CDH23: variants seen among roughly 807,000 people sequenced by gnomAD.
CDH23 encodes cadherin-23.
A neutral mutation model predicts 317.1 loss-of-function variants in CDH23; 189 were observed. The ratio of observed to expected loss-of-function variants is 0.60; its 90% CI spans 0.53 to 0.67. CDH23 has a LOEUF of 0.67. Ranked by LOEUF, CDH23 falls within the 30% of genes least tolerant of loss-of-function variation. The probability of loss-of-function intolerance (pLI) is 0.00; values close to 1 mark genes in which losing one functional copy is unlikely to be tolerated. For missense variants in CDH23, 4,401 were observed against 4,592.4 expected, an observed-to-expected ratio of 0.96 and a Z score of 1.20; for synonymous variants, 1,839 against 1,876.8, an observed-to-expected ratio of 0.98 and a Z score of 0.52.
chr10:71,611,313 G>A (rs1860877369), intron 9 of CDH23, among the ~76,000 whole-genome samples: 1 of 152,140 alleles, frequency 6.6e-6, no homozygotes, highest in Non-Finnish European at 1.5e-5. Context: ...TGGGTTCAGG[G>A]CCCTGTGTGT....
chr10:71,791,395 A>G, intron 47 of CDH23, 60 bp downstream of exon 47: 1 of 1,461,196 alleles, frequency 6.8e-7, no homozygotes, highest in Non-Finnish European at 9.4e-7. Flanking sequence ...GTCACAGGGG[A>G]CTGGAGCCTC....
intron 38 of CDH23, among the ~76,000 whole-genome samples, chr10:71,756,585 G>T (rs556522814): frequency 3.3e-4 from 50 of 152,314 alleles, no homozygotes; most frequent in African/African-American, 1.0e-3. Context: ...CCTCCAAAAA[G>T]GTGTACACGA....
intron 14 of CDH23, among the ~76,000 whole-genome samples, chr10:71,669,041 G>C (rs563424672): frequency 6.6e-6 from 1 of 152,186 alleles, no homozygotes; most frequent in African/African-American, 2.4e-5. Flanking sequence ...AGCCAGTCTC[G>C]GCTGCACCCT....
chr10:71,813,441 T>C (rs1842011802), intron 69 of CDH23, 93 bp downstream of exon 69: 2 of 1,125,320 alleles, frequency 1.8e-6, no homozygotes, highest in African/African-American at 1.5e-5. Context: ...TCTATGTCTC[T>C]GGAGCTCTGC....
At chr10:71,800,555 TA>T in intron 52 of CDH23, 80 bp from the exon 53 acceptor site, 1 of 1,479,478 alleles carries the variant, frequency 6.8e-7, no homozygotes, top group Non-Finnish European at 9.2e-7. Context: ...CCAGAGCCCA[TA>T]ACAGCATCTG....
intron 42 of CDH23, among the ~76,000 whole-genome samples, chr10:71,784,662 C>A (rs1382532341): frequency 6.6e-6 from 1 of 152,208 alleles, no homozygotes; most frequent in African/African-American, 2.4e-5. Context: ...TCCATCACTG[C>A]CCCTCCTCTG....
chr10:71,692,576 G>A (rs968732275), intron 20 of CDH23, among the ~76,000 whole-genome samples: 7 of 152,180 alleles, frequency 4.6e-5, no homozygotes, highest in Non-Finnish European at 7.3e-5. Flanking sequence ...AGTGTGGCTC[G>A]TTGGGCAGAC....
At chr10:71,764,395 C>G (rs1053565436) in intron 38 of CDH23, among the ~76,000 whole-genome samples, 1 of 152,092 alleles carries the variant, frequency 6.6e-6, no homozygotes, top group Non-Finnish European at 1.5e-5. Flanking sequence ...CACATAGACA[C>G]TATACTGATG....
At chr10:71,504,439 T>A (rs915414794) in intron 3 of CDH23, among the ~76,000 whole-genome samples, 1 of 152,232 alleles carries the variant, frequency 6.6e-6, no homozygotes, top group Non-Finnish European at 1.5e-5. Flanking sequence ...TCTACCACAT[T>A]TTGATTATCC....
At chr10:71,545,542 T>G (rs1564644434) in intron 6 of CDH23, among the ~76,000 whole-genome samples, 1 of 152,208 alleles carries the variant, frequency 6.6e-6, no homozygotes, top group Admixed American at 6.5e-5. Flanking sequence ...CCACATACCA[T>G]CTTCCTATTT....
chr10:71,815,329 C>A lies in CDH23; in HGVS notation c.*51C>A. The A allele has an allele frequency of 6.8e-7, 1 of 1,477,184 alleles. No homozygotes were observed. The highest frequency in any genetic ancestry group is 9.1e-7 in the Non-Finnish European group (1 of 1,103,070). 91.5% of individuals were successfully genotyped at this position (1,477,184 alleles called of 1,614,324 possible). A position where few individuals can be genotyped will look rare whatever the true frequency, so the allele number is the denominator to read the frequency against. On this transcript the variant is annotated 3_prime_UTR_variant, in exon 70 of 70. Coordinates refer to ENST00000224721, the MANE Select transcript of CDH23 (RefSeq NM_022124.6). ...GAGCAGCACCCATCCACCGTCCCCTCCCAGGGAGCAAGGGCAGGGACAGGG... is the reference window on the plus strand; with the variant it reads ...GAGCAGCACCCATCCACCGTCCCCTACCAGGGAGCAAGGGCAGGGACAGGG...
At chr10:71,507,169 G>T (rs996517977) in intron 3 of CDH23, among the ~76,000 whole-genome samples, 1 of 152,208 alleles carries the variant, frequency 6.6e-6, no homozygotes, top group East Asian at 1.9e-4. Flanking sequence ...CCAGGGGGCT[G>T]CAGGCTGCCA....
At position 71,805,291 on chromosome 10, in the gene CDH23, G is replaced by A. The variant is rs1035415923; in HGVS notation, c.7873-515G>A. On this transcript the variant is annotated intron_variant, in intron 55 of 69. Coordinates refer to ENST00000224721, the MANE Select transcript of CDH23 (RefSeq NM_022124.6). ...GTTAGTAACAGACTAGACCCTGATGGCCAACCCCTATCCTATCCACCATGT... is the reference window on the plus strand; with the variant it reads ...GTTAGTAACAGACTAGACCCTGATGACCAACCCCTATCCTATCCACCATGT... Among the ~76,000 whole-genome samples the A allele has an allele frequency of 3.2e-4, 49 of 152,138 alleles. 3 individuals are homozygous for A.
chr10:71,496,335 AT>A lies in CDH23; in HGVS notation c.146-13733del, dbSNP rs59975648. Among the ~76,000 whole-genome samples, 1,129 of 149,086 alleles carry A rather than the reference AT, an allele frequency of 7.6e-3. 7 individuals carry two copies. Among genetic ancestry groups the A allele is most frequent in the African/African-American group, 0.02 (808 of 40,586 alleles). On this transcript the variant is annotated intron_variant, in intron 3 of 69. Coordinates refer to ENST00000224721, the MANE Select transcript of CDH23 (RefSeq NM_022124.6). ...ATGGGAAGTGGCAACAAAGCAAAAC[AT>A]TTTTTTTTTTTTTGCTCCACCTGTG...
At chr10:71,601,961 A>AGGG (rs35774888) in intron 9 of CDH23, among the ~76,000 whole-genome samples, 5 of 140,076 alleles carry the variant, frequency 3.6e-5, no homozygotes, top group African/African-American at 1.1e-4. Context: ...TGGGCGGCGG[A>AGGG]GGGGGGGGGG....
intron 8 of CDH23, among the ~76,000 whole-genome samples, chr10:71,572,971 A>G (rs1366311303): frequency 6.6e-6 from 1 of 152,152 alleles, no homozygotes; most frequent in Non-Finnish European, 1.5e-5. Flanking sequence ...GTGGCTGGGC[A>G]GCCAGAGGAG....
Position 71,647,394 on chromosome 10 carries a change from C to T in CDH23, c.1449+777C>T, listed in dbSNP as rs376567405. 3.8e-4 allele frequency among the ~76,000 whole-genome samples: 57 copies of T among 151,770 alleles called. 1 individual carries two copies. In the East Asian group the frequency reaches 0.011, roughly 28 times the overall value. On this transcript the variant is annotated intron_variant, in intron 14 of 69. Coordinates refer to ENST00000224721, the MANE Select transcript of CDH23 (RefSeq NM_022124.6). ...AGGAGAATCGCTTGAACCCAGGAGGCGGAGGTTGCAGTGAGCCGAGATTGT... is the reference window on the plus strand; with the variant it reads ...AGGAGAATCGCTTGAACCCAGGAGGTGGAGGTTGCAGTGAGCCGAGATTGT...
At chr10:71,707,645 C>A in intron 26 of CDH23, 1 of 631,288 alleles carries the variant, frequency 1.6e-6, no homozygotes, top group Non-Finnish European at 2.0e-6. Context: ...GGCGCACATG[C>A]CATGGGTTTG....
intron 28 of CDH23, among the ~76,000 whole-genome samples, chr10:71,722,371 G>A (rs891806180): frequency 3.3e-5 from 5 of 152,206 alleles, no homozygotes; most frequent in Admixed American, 6.5e-5. Context: ...AACAGGGAGC[G>A]AGGCACAGAT....
Sources: gnomAD v4.1 joint callset for allele counts (sites outside exome capture counted in the v4.1 genomes callset) on GRCh38, gnomAD v4.1.1 for gene constraint, MANE v1.5 for transcripts, NCBI Gene and HGNC (gene_info 2026-07-23, HGNC 2026-07-21) for gene names.